The following DRC1 variants were observed in gnomAD, a reference collection of about 807,000 sequenced individuals.
DRC1 encodes the protein dynein regulatory complex protein 1.
DRC1 carries 74 observed loss-of-function variants against 98.7 expected under a neutral mutation model. That is an observed-to-expected ratio of 0.75 (90% CI 0.62 to 0.91). The LOEUF (loss-of-function observed/expected upper bound fraction) is 0.91. Among genes scored for constraint, DRC1 ranks in the 40% least tolerant of loss-of-function variants. DRC1 has a pLI of 0.00. For missense variants in DRC1, 875 were observed against 886.0 expected, an observed-to-expected ratio of 0.99 and a Z score of 0.16; for synonymous variants, 336 against 334.1, an observed-to-expected ratio of 1.01 and a Z score of -0.06.
Position 26,444,275 on chromosome 2 carries a change from A to G in DRC1, c.1082A>G (p.Gln361Arg), listed in dbSNP as rs970137380. The G allele has an allele frequency of 6.2e-7, 1 of 1,614,224 alleles. No individual in the cohort carries two copies. Among genetic ancestry groups the G allele is most frequent in the Non-Finnish European group, 8.5e-7 (1 of 1,180,048 alleles). ...LRSKYAKQIK[Q>R]FQEENQSLTS... ...TCAAAATATGCCAAGCAAATAAAGC[A>G]GTTTCAGGAGGAGAACCAGTCTCTA... The change falls in exon 9 of 17, where the codon CAG (glutamine) becomes CGG (arginine). Residue 361 changes from glutamine (Q) to arginine (R), a missense_variant. Coordinates refer to ENST00000288710, the MANE Select transcript of DRC1 (RefSeq NM_145038.5).
intron 2 of DRC1, among the ~76,000 whole-genome samples, chr2:26,416,381 C>G (rs991407910): frequency 1.3e-5 from 2 of 152,134 alleles, no homozygotes; most frequent in East Asian, 3.8e-4. Flanking sequence ...ACCCAGTGAT[C>G]TGCCTGCCTC....
At chr2:26,403,795 C>CA (rs397870483) in intron 1 of DRC1, among the ~76,000 whole-genome samples, 41,821 of 76,972 alleles carry the variant, frequency 0.54, 9,808 homozygotes, top group East Asian at 0.86. Context: ...AACTCCATCT[C>CA]AAAAAAAAAA....
Position 26,454,787 on chromosome 2 carries a change from A to G in DRC1, c.2060A>G (p.Tyr687Cys), listed in dbSNP as rs1391705933. 1.2e-5 allele frequency: 20 copies of G among 1,614,058 alleles called. No homozygotes were observed. The highest frequency in any genetic ancestry group is 1.7e-5 in the Non-Finnish European group (20 of 1,179,976). The stretch of plus-strand genomic sequence containing the variant: ...GCCCTCTACACAGCCTTGGAGAAGT[A>G]CCAGTAAGTGTGCATGTCATGGAGC... ...WDALYTALEK[Y>C]HLVLTQRAKL... The change falls in exon 15 of 17, where the codon TAC becomes TGC. Residue 687 changes from tyrosine to cysteine, a missense_variant. Tyr to Cys is a radical substitution (Grantham distance 194). Transcript: ENST00000288710. The surrounding 1 kb of genome is among the most constrained non-coding windows in gnomAD (Gnocchi z 5.2).
Position 26,449,940 on chromosome 2 carries a change from G to A in DRC1, c.1510-56G>A, listed in dbSNP as rs192939471. The stretch of plus-strand genomic sequence containing the variant: ...TACACAGGGGGCAGCTGCAGACCCT[G>A]GGACTCGCTCCTGAAACCTGTCCCC... On this transcript the variant is annotated intron_variant, in intron 11 of 16. Transcript: ENST00000288710. 7.2e-6 allele frequency: 11 copies of A among 1,534,224 alleles called. No individual in the cohort carries two copies. The East Asian group carries it at 2.5e-4, about 35-fold the overall frequency.
Position 26,450,006 on chromosome 2 carries a change from T to C in DRC1, c.1520T>C (p.Ile507Thr). 1 of 1,613,784 alleles carries C rather than the reference T, an allele frequency of 6.2e-7. No homozygotes were observed. Among genetic ancestry groups the C allele is most frequent in the Non-Finnish European group, 8.5e-7 (1 of 1,179,940 alleles). Residue 507 changes from isoleucine to threonine, a missense_variant, in exon 12 of 17, where the codon ATA (isoleucine) becomes ACA (threonine). Physicochemically the swap from Ile to Thr is moderately conservative, Grantham distance 89. Coordinates refer to ENST00000288710, the MANE Select transcript of DRC1 (RefSeq NM_145038.5). ...CTTCCTTCTCCCCAGGGGTTCCTCA[T>C]AGAGAGCAAGCTGCTGAGCCTTCTC... ...MLLCDESGFL[I>T]ESKLLSLLLP...
At position 26,438,316 on chromosome 2, in the gene DRC1, A is replaced by G. The variant is rs1479628162; in HGVS notation, c.889-2062A>G. 4.6e-5 allele frequency among the ~76,000 whole-genome samples: 7 copies of G among 152,238 alleles called. No individual in the cohort carries two copies. The East Asian group carries it at 1.2e-3, about 25-fold the overall frequency. ...AGTAGCCTTGCAGCTTCTTTCTCCT[A>G]TGTCTTCTTTTTCATTTGCTGTACT... On this transcript the variant is annotated intron_variant, in intron 7 of 16. Coordinates refer to ENST00000288710, the MANE Select transcript of DRC1 (RefSeq NM_145038.5).
At chr2:26,431,242 C>G (rs1663429834) in intron 6 of DRC1, among the ~76,000 whole-genome samples, 1 of 152,210 alleles carries the variant, frequency 6.6e-6, no homozygotes, top group African/African-American at 2.4e-5. Context: ...GCGTGAGCCT[C>G]CGCGCCCGGC....
intron 7 of DRC1, among the ~76,000 whole-genome samples, chr2:26,433,219 T>C (rs538084948): frequency 1.3e-5 from 2 of 152,366 alleles, no homozygotes; most frequent in South Asian, 2.1e-4. Context: ...TCTAATTACA[T>C]GTAGATGTAA....
At chr2:26,440,322 T>TGA in intron 7 of DRC1, 56 bp from the exon 8 acceptor site, 1 of 1,336,418 alleles carries the variant, frequency 7.5e-7, no homozygotes, top group Non-Finnish European at 9.7e-7. Context: ...AGTGTGTTTG[T>TGA]GTGTGTGTGT....
At chr2:26,428,432 G>A (rs1185755390) in intron 4 of DRC1, among the ~76,000 whole-genome samples, 1 of 152,230 alleles carries the variant, frequency 6.6e-6, no homozygotes, top group Non-Finnish European at 1.5e-5. Context: ...GAATGCTACT[G>A]TACTGAATAC....
chr2:26,436,828 G>C (rs1349458340), intron 7 of DRC1, among the ~76,000 whole-genome samples: 1 of 152,172 alleles, frequency 6.6e-6, no homozygotes, highest in Non-Finnish European at 1.5e-5. Context: ...GAAATCATCG[G>C]AGTAGACATT....
rs76561769 is a variant in DRC1, at chr2:26,453,086, A to G, written c.1690-234A>G. 0.018 allele frequency among the ~76,000 whole-genome samples: 2,672 copies of G among 152,332 alleles called. 76 individuals carry two copies. Among genetic ancestry groups the G allele is most frequent in the African/African-American group, 0.059 (2,443 of 41,564 alleles). On this transcript the variant is annotated intron_variant, in intron 13 of 16. Coordinates refer to ENST00000288710, the MANE Select transcript of DRC1 (RefSeq NM_145038.5). ...ATGAATGTCAGTAAGGTGAGCACCT[A>G]GGAGCCCGGATTTAGAAACAGAACC... is the stretch of plus-strand genomic sequence containing the variant.
At chr2:26,451,088 G>C (rs888398121) in intron 13 of DRC1, among the ~76,000 whole-genome samples, 4 of 152,200 alleles carry the variant, frequency 2.6e-5, no homozygotes, top group African/African-American at 9.6e-5. Context: ...TGCTGTCTTT[G>C]AGTAGCACTT....
chr2:26,419,493 G>A (rs556412066), intron 2 of DRC1, among the ~76,000 whole-genome samples: 18 of 152,254 alleles, frequency 1.2e-4, no homozygotes, highest in Admixed American at 3.3e-4. Flanking sequence ...CCTTATGCAC[G>A]TAAAACCATT....
At chr2:26,440,345 G>GTGTGTGTGTGTA in intron 7 of DRC1, 33 bp from the exon 8 acceptor site, 1 of 1,323,224 alleles carries the variant, frequency 7.6e-7, no homozygotes. Flanking sequence ...GTGTGTGTGT[G>GTGTGTGTGTGTA]TATATATATA....
At chr2:26,450,161 C>G (rs973837623) in intron 12 of DRC1, 76 bp downstream of exon 12, 3 of 1,425,716 alleles carry the variant, frequency 2.1e-6, no homozygotes, top group South Asian at 2.4e-5. Flanking sequence ...GCCATTGCCT[C>G]AACCCTGGCA....
intron 1 of DRC1, among the ~76,000 whole-genome samples, chr2:26,410,824 A>G (rs991229198): frequency 1.2e-4 from 18 of 149,946 alleles, no homozygotes; most frequent in African/African-American, 4.6e-4. Flanking sequence ...ACAAAACAAA[A>G]CACAACAAAA....
chr2:26,411,882 G>C (rs145079042), intron 1 of DRC1, among the ~76,000 whole-genome samples: 2 of 152,068 alleles, frequency 1.3e-5, no homozygotes, highest in East Asian at 1.9e-4. Flanking sequence ...ACTGATCTTT[G>C]ATCCAGAAAG....
At chr2:26,435,262 C>G (rs1435741873) in intron 7 of DRC1, among the ~76,000 whole-genome samples, 1 of 152,200 alleles carries the variant, frequency 6.6e-6, no homozygotes, top group Non-Finnish European at 1.5e-5. Context: ...CGTAGAAGGA[C>G]TTTTGTGGCA....
Sources: gnomAD v4.1 joint callset for allele counts (sites outside exome capture counted in the v4.1 genomes callset) on GRCh38, gnomAD v4.1.1 for gene constraint, Gnocchi (gnomAD v3.1) non-coding constraint, MANE v1.5 for transcripts, NCBI Gene and HGNC (gene_info 2026-07-23, HGNC 2026-07-21) for gene names.